FER1L6: variants seen among roughly 807,000 people sequenced by gnomAD.
FER1L6 encodes the protein fer-1 like family member 6.
A neutral mutation model predicts 219.2 loss-of-function variants in FER1L6; 177 were observed. That is an observed-to-expected ratio of 0.81 (90% CI 0.71 to 0.91). The LOEUF (loss-of-function observed/expected upper bound fraction) is 0.91, where lower values mean the gene tolerates loss of function less well. FER1L6 is among the 40% of genes least tolerant of loss of function. The pLI, the probability that FER1L6 is intolerant of heterozygous loss-of-function variation, is 0.00. For missense variants in FER1L6, 2,153 were observed against 2,259.9 expected, an observed-to-expected ratio of 0.95 and a Z score of 0.96; for synonymous variants, 768 against 824.3, an observed-to-expected ratio of 0.93 and a Z score of 1.17.
chr8:123,882,988 G>T (rs561424103), intron 1 of FER1L6, among the ~76,000 whole-genome samples: 7 of 152,202 alleles, frequency 4.6e-5, no homozygotes, highest in African/African-American at 1.7e-4. Context: ...GGGGGTTGGG[G>T]GTGTGTAGGA....
intron 1 of FER1L6, among the ~76,000 whole-genome samples, chr8:123,927,999 T>C (rs958795543): frequency 1.3e-5 from 2 of 152,196 alleles, no homozygotes; most frequent in African/African-American, 4.8e-5. Context: ...TAAATGATTG[T>C]AAGAGTTAGG....
intron 20 of FER1L6, among the ~76,000 whole-genome samples, chr8:124,042,192 GCAT>G (rs2130740012): frequency 6.6e-6 from 1 of 152,318 alleles, no homozygotes; most frequent in Admixed American, 6.5e-5. Context: ...TCTCCATACA[GCAT>G]CTTCATTTGA....
chr8:123,997,086 T>C (rs530368534), intron 12 of FER1L6, among the ~76,000 whole-genome samples: 235 of 152,294 alleles, frequency 1.5e-3, no homozygotes, highest in African/African-American at 5.0e-3. Flanking sequence ...CTTTGTGTAC[T>C]TACTATTACC....
intron 1 of FER1L6, among the ~76,000 whole-genome samples, chr8:123,888,869 C>G (rs918621792): frequency 2.2e-4 from 33 of 152,198 alleles, no homozygotes; most frequent in African/African-American, 8.0e-4. Context: ...TATGTCTTGT[C>G]TACCAAATTG....
rs1820920166 is a variant in FER1L6 at position 124,068,534 on chromosome 8, G to A, written c.3718+728G>A. Reference sequence around the variant, plus strand: ...GAGCCTACTGCTAAAAAATTACTGAGTAATCCCCCTAACAACTTTGCGCAA... The same window carrying A: ...GAGCCTACTGCTAAAAAATTACTGAATAATCCCCCTAACAACTTTGCGCAA... On this transcript the variant is annotated intron_variant, in intron 28 of 40. Coordinates refer to ENST00000522917, the MANE Select transcript of FER1L6 (RefSeq NM_001039112.2). Among the ~76,000 whole-genome samples the A allele has an allele frequency of 2.0e-5, 3 of 152,166 alleles. No individual in the cohort carries two copies. In the South Asian group the frequency reaches 6.2e-4, roughly 31 times the overall value.
At position 124,111,852 on chromosome 8, in the gene FER1L6, G is replaced by C. The variant is rs1823033931; in HGVS notation, c.5290-6992G>C. On this transcript the variant is annotated intron_variant, in intron 39 of 40. Coordinates refer to ENST00000522917, the MANE Select transcript of FER1L6 (RefSeq NM_001039112.2). This position sits in a 1 kb window ranked among gnomAD's most constrained non-coding sequence, Gnocchi z 5.0. ...TTGTGCTGACCTCCAATCTCATACTGTGACTTAGAATGCCTTAACCGTCGG... is the reference window on the plus strand; with the variant it reads ...TTGTGCTGACCTCCAATCTCATACTCTGACTTAGAATGCCTTAACCGTCGG... Among the ~76,000 whole-genome samples, 1 of 152,102 alleles carries C rather than the reference G, an allele frequency of 6.6e-6. No homozygotes were observed. The highest frequency in any genetic ancestry group is 2.4e-5 in the African/African-American group (1 of 41,400).
chr8:123,956,087 G>T lies in FER1L6; in HGVS notation c.76+13G>T. The T allele has an allele frequency of 6.2e-7, 1 of 1,605,862 alleles. No individual in the cohort carries two copies. The highest frequency in any genetic ancestry group is 1.1e-5 in the South Asian group (1 of 89,304). The stretch of plus-strand genomic sequence containing the variant: ...AAGGCTGCGAAAGGTGAGGCTGGGG[G>T]TGGGGTGCTGACCATTGGGGCCTGA... On this transcript the variant is annotated intron_variant, in intron 2 of 40. Transcript: ENST00000522917.
At chr8:124,032,303 C>T (rs899142942) in intron 18 of FER1L6, among the ~76,000 whole-genome samples, 1 of 152,042 alleles carries the variant, frequency 6.6e-6, no homozygotes, top group Non-Finnish European at 1.5e-5. Context: ...CATATGTCTG[C>T]AATCCCAGGT....
intron 33 of FER1L6, among the ~76,000 whole-genome samples, chr8:124,089,623 C>CTGA (rs1821936724): frequency 6.6e-6 from 1 of 152,156 alleles, no homozygotes; most frequent in African/African-American, 2.4e-5. Context: ...CATGCTGTAT[C>CTGA]TGATAGCTTT....
At chr8:123,936,001 T>C in intron 1 of FER1L6, among the ~76,000 whole-genome samples, 1 of 150,120 alleles carries the variant, frequency 6.7e-6, no homozygotes. Flanking sequence ...TTTCCTAGGG[T>C]TGGGAACTTC....
intron 1 of FER1L6, among the ~76,000 whole-genome samples, chr8:123,920,031 A>G (rs1813312967): frequency 6.6e-6 from 1 of 152,200 alleles, no homozygotes; most frequent in Non-Finnish European, 1.5e-5. Context: ...ACAAAACACA[A>G]TTTCAAATTC....
intron 1 of FER1L6, among the ~76,000 whole-genome samples, chr8:123,895,262 G>T (rs1474623549): frequency 6.6e-6 from 1 of 152,192 alleles, no homozygotes; most frequent in African/African-American, 2.4e-5. Flanking sequence ...ACAGGATGAG[G>T]AACCATTGCT....
chr8:124,019,831 A>G (rs1173479977), intron 16 of FER1L6, among the ~76,000 whole-genome samples: 1 of 152,224 alleles, frequency 6.6e-6, no homozygotes, highest in African/African-American at 2.4e-5. Flanking sequence ...AGGAAATTCT[A>G]AGAAGCCACT....
At chr8:123,982,038 T>G (rs1227195837) in intron 11 of FER1L6, among the ~76,000 whole-genome samples, 5 of 152,206 alleles carry the variant, frequency 3.3e-5, no homozygotes, top group African/African-American at 1.2e-4. Context: ...TTCTCTCCTC[T>G]GAGCTCACAT....
intron 18 of FER1L6, among the ~76,000 whole-genome samples, chr8:124,032,027 T>C (rs1818990240): frequency 6.6e-6 from 1 of 152,242 alleles, no homozygotes; most frequent in African/African-American, 2.4e-5. Context: ...TCACAAGACA[T>C]TAGCTGAGTC....
intron 1 of FER1L6, among the ~76,000 whole-genome samples, chr8:123,952,333 C>T (rs983211317): frequency 7.2e-5 from 11 of 152,320 alleles, no homozygotes; most frequent in Admixed American, 2.6e-4. Context: ...CCCTGCAGTG[C>T]GGGCCTTGTG....
chr8:124,095,099 T>A, intron 35 of FER1L6, 61 bp downstream of exon 35: 1 of 1,591,062 alleles, frequency 6.3e-7, no homozygotes, highest in Non-Finnish European at 8.6e-7. Flanking sequence ...AGTAATGGTT[T>A]TCATCCAGGA....
intron 20 of FER1L6, 53 bp from the exon 21 acceptor site, chr8:124,045,714 C>T (rs2130758539): frequency 8.2e-6 from 13 of 1,592,222 alleles, no homozygotes; most frequent in Non-Finnish European, 1.0e-5. Context: ...AACCTTAGAG[C>T]CCCTATAACT....
rs1324524876 is a variant in FER1L6 at position 123,906,826 on chromosome 8, AT to A, written c.-7-49164del. Among the ~76,000 whole-genome samples the A allele has an allele frequency of 1.4e-3, 214 of 148,600 alleles. 1 individual carries two copies. The highest frequency in any genetic ancestry group is 5.2e-3 in the African/African-American group (213 of 40,650). ...TCCGGAAGAAAAAAAAAAAAAAAAGATTGCTCACACATCTGAAGACCTTTTA... is the reference window on the plus strand; with the variant it reads ...TCCGGAAGAAAAAAAAAAAAAAAAGATGCTCACACATCTGAAGACCTTTTA... On this transcript the variant is annotated intron_variant, in intron 1 of 40. Coordinates refer to ENST00000522917, the MANE Select transcript of FER1L6 (RefSeq NM_001039112.2).
Sources: gnomAD v4.1 joint callset for allele counts (sites outside exome capture counted in the v4.1 genomes callset) on GRCh38, gnomAD v4.1.1 for gene constraint, Gnocchi (gnomAD v3.1) non-coding constraint, MANE v1.5 for transcripts, NCBI Gene and HGNC (gene_info 2026-07-23, HGNC 2026-07-21) for gene names.